Variants in ERC2 observed in about 807,000 individuals in gnomAD.
ERC2 encodes ERC protein 2.
Under a neutral mutation model 114.8 loss-of-function variants are expected in ERC2, and 42 were observed. The ratio of observed to expected loss-of-function variants is 0.37; its 90% CI spans 0.29 to 0.47. ERC2 has a LOEUF of 0.47. Among genes scored for constraint, ERC2 ranks in the 20% least tolerant of loss-of-function variants. The pLI is 0.99. For missense variants in ERC2, 939 were observed against 1,150.7 expected, an observed-to-expected ratio of 0.82 and a Z score of 2.66; for synonymous variants, 454 against 425.5, an observed-to-expected ratio of 1.07 and a Z score of -0.82.
chr3:56,080,913 G>A lies in ERC2; in HGVS notation c.1545C>T (p.Asp515=), dbSNP rs1447269697. 1 of 1,613,532 alleles carries A rather than the reference G, an allele frequency of 6.2e-7. No individual in the cohort carries two copies. The highest frequency in any genetic ancestry group is 1.1e-5 in the South Asian group (1 of 91,050). ...FLNKKTKQLQ[D]LTEEKGTLAG... is the part of the protein sequence containing the mutation. The stretch of plus-strand genomic sequence containing the variant: ...CCAGTGTCCCCTTCTCTTCTGTGAG[G>A]TCCTGTAGCTGTTTTGTTTTTTTAT... The change falls in exon 7 of 18, where the codon GAC becomes GAT. Residue 515 remains aspartate (D), a synonymous_variant. Coordinates refer to ENST00000288221, the MANE Select transcript of ERC2 (RefSeq NM_015576.3).
intron 14 of ERC2, among the ~76,000 whole-genome samples, chr3:55,758,760 C>G (rs2067222594): frequency 6.6e-6 from 1 of 152,180 alleles, no homozygotes; most frequent in Non-Finnish European, 1.5e-5. Context: ...AAACCAACTC[C>G]CTGCAAAAAG....
chr3:56,039,267 A>G (rs916222335), intron 7 of ERC2, among the ~76,000 whole-genome samples: 1 of 152,220 alleles, frequency 6.6e-6, no homozygotes, highest in Non-Finnish European at 1.5e-5. Flanking sequence ...CTCCAGTAAA[A>G]AAGTGTTCAA....
intron 2 of ERC2, among the ~76,000 whole-genome samples, chr3:56,417,325 G>T (rs116064012): frequency 6.6e-6 from 1 of 152,052 alleles, no homozygotes; most frequent in African/African-American, 2.4e-5. Context: ...ATCTCATGCC[G>T]TGGGACATAT....
intron 15 of ERC2, among the ~76,000 whole-genome samples, chr3:55,717,309 A>G (rs1252827864): frequency 1.3e-5 from 2 of 152,136 alleles, no homozygotes; most frequent in Admixed American, 1.3e-4. Context: ...CTGTCAGTCT[A>G]TGGGGCACAA....
At chr3:55,643,002 G>C (rs2060250034) in intron 17 of ERC2, among the ~76,000 whole-genome samples, 1 of 152,134 alleles carries the variant, frequency 6.6e-6, no homozygotes, top group Non-Finnish European at 1.5e-5. Context: ...GGCAAATATA[G>C]CACGGAAATT....
At chr3:56,387,353 A>G (rs1245786598) in intron 2 of ERC2, among the ~76,000 whole-genome samples, 3 of 152,164 alleles carry the variant, frequency 2.0e-5, no homozygotes, top group African/African-American at 7.2e-5. Context: ...AAGGATTCTC[A>G]TCACATTGTG....
At chr3:56,384,606 T>C (rs1246510479) in intron 2 of ERC2, among the ~76,000 whole-genome samples, 3 of 152,302 alleles carry the variant, frequency 2.0e-5, no homozygotes, top group Non-Finnish European at 4.4e-5. Context: ...TAGATATTAA[T>C]CCCTTAACAG....
intron 17 of ERC2, among the ~76,000 whole-genome samples, chr3:55,550,626 T>C (rs75282510): frequency 0.035 from 5,287 of 152,272 alleles, 226 homozygotes; most frequent in African/African-American, 0.096. Context: ...GAGTCTGAGA[T>C]GGTCAGTGGC....
At chr3:55,689,926 C>T (rs780134148) in intron 16 of ERC2, among the ~76,000 whole-genome samples, 43 of 152,280 alleles carry the variant, frequency 2.8e-4, no homozygotes, top group Admixed American at 5.2e-4. Context: ...GTGGATGTTA[C>T]AGACTTAGAC....
chr3:55,654,393 C>G (rs1356704737), intron 17 of ERC2, among the ~76,000 whole-genome samples: 1 of 152,238 alleles, frequency 6.6e-6, no homozygotes, highest in Non-Finnish European at 1.5e-5. Context: ...GGTTTCCAGT[C>G]TGACTTTCTT....
chr3:56,120,882 T>G (rs376084311), intron 6 of ERC2, among the ~76,000 whole-genome samples: 71 of 152,332 alleles, frequency 4.7e-4, no homozygotes, highest in African/African-American at 1.7e-3. Context: ...ATTTTAGAGT[T>G]AATGTTGGCT....
intron 14 of ERC2, among the ~76,000 whole-genome samples, chr3:55,838,032 T>A: frequency 6.6e-6 from 1 of 151,606 alleles, no homozygotes; most frequent in East Asian, 1.9e-4. Flanking sequence ...GTTACAACAA[T>A]ATTACACATT....
At chr3:56,256,180 C>T (rs2052505168) in intron 3 of ERC2, among the ~76,000 whole-genome samples, 2 of 152,202 alleles carry the variant, frequency 1.3e-5, no homozygotes, top group African/African-American at 4.8e-5. Context: ...CGAAAGAATG[C>T]CTATGAATTG....
intron 8 of ERC2, among the ~76,000 whole-genome samples, chr3:56,013,927 A>G (rs2073131075): frequency 1.3e-5 from 2 of 152,150 alleles, no homozygotes; most frequent in East Asian, 3.9e-4. Flanking sequence ...TGCATACTGG[A>G]ATACTTAGAA....
Position 55,699,523 on chromosome 3 carries a change from C to G in ERC2, c.2713-11G>C. 6.3e-7 allele frequency: 1 copy of G among 1,590,812 alleles called. No individual in the cohort carries two copies. The highest frequency in any genetic ancestry group is 1.1e-5 in the South Asian group (1 of 89,006). ...CATTCTGTTCTGGGTCTGTGCAGAA[C>G]AAAAACCAAGGAAGATTCCATCAGG... On this transcript the variant is annotated splice_polypyrimidine_tract_variant and intron_variant, in intron 15 of 17. Transcript: ENST00000288221.
At chr3:55,638,803 A>C (rs1019610152) in intron 17 of ERC2, among the ~76,000 whole-genome samples, 1 of 152,260 alleles carries the variant, frequency 6.6e-6, no homozygotes, top group Non-Finnish European at 1.5e-5. Context: ...CTAAAAGGAA[A>C]TCAGGAAAAC....
At chr3:55,632,392 C>T (rs1001850747) in intron 17 of ERC2, among the ~76,000 whole-genome samples, 3 of 152,170 alleles carry the variant, frequency 2.0e-5, no homozygotes, top group Admixed American at 6.5e-5. Flanking sequence ...GAGGTTCAAG[C>T]TCATATTTTT....
rs769441539 is a variant in ERC2, at chr3:56,376,240, C to T, written c.657+58111G>A. The stretch of plus-strand genomic sequence containing the variant: ...TTTGTTATAAAGCAATAAACTAATA[C>T]AGATTCCAATCCAGGTTGCCCAGAA... On this transcript the variant is annotated intron_variant, in intron 2 of 17. Coordinates refer to ENST00000288221, the MANE Select transcript of ERC2 (RefSeq NM_015576.3). 1.4e-4 allele frequency among the ~76,000 whole-genome samples: 22 copies of T among 152,152 alleles called. 1 individual carries two copies. Among genetic ancestry groups the T allele is most frequent in the Non-Finnish European group, 2.2e-4 (15 of 68,024 alleles).
Position 55,785,165 on chromosome 3 carries a change from C to G in ERC2, c.2565-50247G>C, listed in dbSNP as rs574362012. Among the ~76,000 whole-genome samples, 6 of 152,174 alleles carry G rather than the reference C, an allele frequency of 3.9e-5. No homozygotes were observed. The South Asian group carries it at 1.2e-3, about 32-fold the overall frequency. On this transcript the variant is annotated intron_variant, in intron 14 of 17. Transcript: ENST00000288221. ...AAAGGGAATGACTGAAAGAATTACC[C>G]GAAGGCAAGATAATTCAGGGTACAC... is the stretch of plus-strand genomic sequence containing the variant.
Sources: allele counts gnomAD v4.1 joint callset (sites outside exome capture counted in the v4.1 genomes callset), GRCh38; gene constraint gnomAD v4.1.1; transcripts MANE v1.5; gene names NCBI Gene and HGNC (gene_info 2026-07-23, HGNC 2026-07-21).